AKAP1: variants seen among roughly 807,000 people sequenced by gnomAD.
AKAP1 encodes A-kinase anchor protein 1, mitochondrial.
In AKAP1, 32 loss-of-function variants were observed where a neutral mutation model predicts 79.8. That is an observed-to-expected ratio of 0.40 (90% CI 0.30 to 0.54). The LOEUF (loss-of-function observed/expected upper bound fraction) is 0.54, where lower values mean the gene tolerates loss of function less well. Ranked by LOEUF, AKAP1 falls within the 20% of genes least tolerant of loss-of-function variation. The probability of loss-of-function intolerance (pLI) is 0.47; values close to 1 mark genes in which losing one functional copy is unlikely to be tolerated. For missense variants in AKAP1, 961 were observed against 1,138.9 expected, an observed-to-expected ratio of 0.84 and a Z score of 2.25; for synonymous variants, 416 against 466.7, an observed-to-expected ratio of 0.89 and a Z score of 1.40.
chr17:57,119,561 A>C (rs1331326431), intron 10 of AKAP1, among the ~76,000 whole-genome samples: 1 of 151,944 alleles, frequency 6.6e-6, no homozygotes, highest in Non-Finnish European at 1.5e-5. Flanking sequence ...CTAAAAATGC[A>C]AAAATCTGCT....
At chr17:57,112,383 A>C in intron 4 of AKAP1, 108 bp from the exon 5 acceptor site, 2 of 1,372,362 alleles carry the variant, frequency 1.5e-6, no homozygotes, top group Admixed American at 2.3e-5. Context: ...ATGCACTTGA[A>C]CTCTATGCAA....
At chr17:57,103,388 G>A (rs57970984) in intron 1 of AKAP1, among the ~76,000 whole-genome samples, 1,765 of 152,274 alleles carry the variant, frequency 0.012, 18 homozygotes, top group Middle Eastern at 0.027. Flanking sequence ...TTGTTAAAAT[G>A]CAAGTCTGAG....
At chr17:57,103,067 A>G (rs777330156) in intron 1 of AKAP1, among the ~76,000 whole-genome samples, 1 of 152,198 alleles carries the variant, frequency 6.6e-6, no homozygotes, top group Non-Finnish European at 1.5e-5. Flanking sequence ...CGACAGCGAG[A>G]TAAAAGGAAA....
Position 57,109,948 on chromosome 17 carries a change from G to A in AKAP1, c.1715-77G>A, listed in dbSNP as rs2144739417. The A allele has an allele frequency of 1.9e-6, 3 of 1,566,802 alleles. No individual in the cohort carries two copies. In the South Asian group the frequency reaches 3.6e-5, roughly 19 times the overall value. ...GGGGCAGGGCCTCCTGGGAATGTGA[G>A]TTTGGGAAGTTCTTGGTTACTGGCT... On this transcript the variant is annotated intron_variant, in intron 2 of 10. Coordinates refer to ENST00000337714, the MANE Select transcript of AKAP1 (RefSeq NM_003488.4).
In AKAP1 at chr17:57,114,352, T is replaced by C. The variant is rs1473146061; in HGVS notation, c.2104-107T>C. On this transcript the variant is annotated intron_variant, in intron 5 of 10. Coordinates refer to ENST00000337714, the MANE Select transcript of AKAP1 (RefSeq NM_003488.4). ...GGTGCCATGTTGTCTTGAGTTGCCC[T>C]TTTCAAAGATATGCTAGCCCAGAGA... The C allele has an allele frequency of 1.2e-5, 17 of 1,408,452 alleles. No individual in the cohort carries two copies. The South Asian group carries it at 1.7e-4, about 14-fold the overall frequency. 87.2% of individuals were successfully genotyped at this position (1,408,452 alleles called of 1,614,324 possible). A position where few individuals can be genotyped will look rare whatever the true frequency, so the allele number is the denominator to read the frequency against.
chr17:57,098,367 G>A (rs1325004972), intron 1 of AKAP1: 1 of 152,334 alleles, frequency 6.6e-6, no homozygotes, highest in African/African-American at 2.4e-5. Flanking sequence ...ACTGCAGACA[G>A]GTCTGCCCTT....
intron 2 of AKAP1, among the ~76,000 whole-genome samples, chr17:57,108,450 T>G (rs1915031550): frequency 6.6e-6 from 1 of 152,224 alleles, no homozygotes; most frequent in Admixed American, 6.5e-5. Flanking sequence ...ATAAAGGAGT[T>G]TCCCTTTGCT....
Position 57,086,523 on chromosome 17 carries a change from T to A in AKAP1, c.-25+1125T>A, listed in dbSNP as rs1913470845. Reference sequence around the variant, plus strand: ...CCTGCCGCCGTTAACACAAACCCGGTGGACTTCGCTCCAGGTGCGAGTCGA... The same window carrying A: ...CCTGCCGCCGTTAACACAAACCCGGAGGACTTCGCTCCAGGTGCGAGTCGA... On this transcript the variant is annotated intron_variant, in intron 1 of 10. Transcript: ENST00000337714. The surrounding 1 kb of genome is among the most constrained non-coding windows in gnomAD (Gnocchi z 5.1). The A allele has an allele frequency of 2.2e-6, 1 of 445,700 alleles. No homozygotes were observed. Among genetic ancestry groups the A allele is most frequent in the Admixed American group, 2.5e-5 (1 of 40,346 alleles). The allele number at this position is 445,700 out of a possible 1,614,324, so 27.6% of individuals were successfully genotyped here. A position where few individuals can be genotyped will look rare whatever the true frequency, so the allele number is the denominator to read the frequency against.
chr17:57,108,031 C>G, intron 2 of AKAP1: 1 of 1,246,780 alleles, frequency 8.0e-7, no homozygotes, highest in Non-Finnish European at 1.0e-6. Flanking sequence ...GTAGACAGTT[C>G]AGACCGCTAA....
chr17:57,092,146 C>G (rs570838754), intron 1 of AKAP1: 1 of 152,270 alleles, frequency 6.6e-6, no homozygotes, highest in East Asian at 1.9e-4. Flanking sequence ...CCATAGACCC[C>G]CGGTGAGAAT....
Position 57,086,176 on chromosome 17 carries a change from C to T in AKAP1, c.-25+778C>T. ...TCCAGCCTGGGGTGTCTGCCGACCT[C>T]ACGCCCGGGGGCCCCGACGGTCACG... is the stretch of plus-strand genomic sequence containing the variant. On this transcript the variant is annotated intron_variant, in intron 1 of 10. Transcript: ENST00000337714. This position sits in a 1 kb window ranked among gnomAD's most constrained non-coding sequence, Gnocchi z 5.1. 1 of 324,094 alleles carries T rather than the reference C, an allele frequency of 3.1e-6. No individual in the cohort carries two copies. Among genetic ancestry groups the T allele is most frequent in the South Asian group, 2.2e-5 (1 of 45,616 alleles). The allele number at this position is 324,094 out of a possible 1,614,324, so 20.1% of individuals were successfully genotyped here.
chr17:57,111,830 G>A lies in AKAP1; in HGVS notation c.1881G>A (p.Gly627=), dbSNP rs905564846. The change falls in exon 4 of 11, where the codon GGG becomes GGA. Residue 627 remains glycine (G), a synonymous_variant. Coordinates refer to ENST00000337714, the MANE Select transcript of AKAP1 (RefSeq NM_003488.4). ...HLVGRLIGKQ[G]RYVSFLKQTS... ...TCGGTCGGCTAATTGGCAAGCAGGG[G>A]CGCTATGTGAGTTTTCTGAAGCAAA... 2.5e-6 allele frequency: 4 copies of A among 1,614,062 alleles called. No homozygotes were observed. Among genetic ancestry groups the A allele is most frequent in the Non-Finnish European group, 3.4e-6 (4 of 1,180,018 alleles).
rs1913495782 is a variant in AKAP1, at chr17:57,086,893, G to A, written c.-25+1495G>A. 6.6e-6 allele frequency among the ~76,000 whole-genome samples: 1 copy of A among 151,774 alleles called. No homozygotes were observed. The highest frequency in any genetic ancestry group is 2.1e-4 in the South Asian group (1 of 4,822). Reference sequence around the variant, plus strand: ...TAAAGGTACAGAACATCTTTGAAATGAAGAAGGCTGCCTGACTTGATCATT... The same window carrying A: ...TAAAGGTACAGAACATCTTTGAAATAAAGAAGGCTGCCTGACTTGATCATT... On this transcript the variant is annotated intron_variant, in intron 1 of 10. Transcript: ENST00000337714. The surrounding 1 kb of genome is among the most constrained non-coding windows in gnomAD (Gnocchi z 5.1).
Position 57,105,849 on chromosome 17 carries a change from A to G in AKAP1, c.385A>G (p.Thr129Ala). ...LRPGTRRDDS[T>A]KLELALTGGE... Reference sequence around the variant, plus strand: ...ACCAGGAACACGCAGAGATGACAGTACAAAGCTGGAGCTAGCCCTGACAGG... The same window carrying G: ...ACCAGGAACACGCAGAGATGACAGTGCAAAGCTGGAGCTAGCCCTGACAGG... Residue 129 changes from threonine (T) to alanine (A), a missense_variant, in exon 2 of 11, where the codon ACA becomes GCA. Physicochemically the swap from Thr to Ala is moderately conservative, Grantham distance 58. Coordinates refer to ENST00000337714, the MANE Select transcript of AKAP1 (RefSeq NM_003488.4). 6.2e-7 allele frequency: 1 copy of G among 1,614,248 alleles called. No individual in the cohort carries two copies. The highest frequency in any genetic ancestry group is 8.5e-7 in the Non-Finnish European group (1 of 1,180,048).
At chr17:57,111,151 G>A (rs772715858) in intron 3 of AKAP1, among the ~76,000 whole-genome samples, 4 of 152,220 alleles carry the variant, frequency 2.6e-5, no homozygotes, top group African/African-American at 7.2e-5. Context: ...TAGCTCCTCC[G>A]GGAGGGGGTC....
Position 57,120,448 on chromosome 17 carries a change from C to T in AKAP1, c.*124C>T, listed in dbSNP as rs114446308. 4.3e-3 allele frequency: 3,328 copies of T among 774,734 alleles called. 84 individuals are homozygous for T. In the African/African-American group the frequency reaches 0.052, roughly 12 times the overall value. 48.0% of individuals were successfully genotyped at this position (774,734 alleles called of 1,614,324 possible). A position where few individuals can be genotyped will look rare whatever the true frequency, so the allele number is the denominator to read the frequency against. ...CCAGAAAGTCCTTTCTTTCTCCATA[C>T]TGTAGTCCTATTGAGAAGACATTTC... On this transcript the variant is annotated 3_prime_UTR_variant, in exon 11 of 11. Coordinates refer to ENST00000337714, the MANE Select transcript of AKAP1 (RefSeq NM_003488.4).
At chr17:57,119,830 CTTTTTTTTTT>C (rs3054874) in intron 10 of AKAP1, among the ~76,000 whole-genome samples, 1 of 70,290 alleles carries the variant, frequency 1.4e-5, no homozygotes, top group African/African-American at 6.6e-5. Context: ...CCCTGTTACT[CTTTTTTTTTT>C]TTTTTTTTTT....
chr17:57,113,560 T>G (rs1047342118), intron 5 of AKAP1, among the ~76,000 whole-genome samples: 1 of 151,598 alleles, frequency 6.6e-6, no homozygotes, highest in Non-Finnish European at 1.5e-5. Flanking sequence ...AATCAAGAGT[T>G]TTTTCCCAGG....
At chr17:57,103,255 G>C (rs1914638783) in intron 1 of AKAP1, among the ~76,000 whole-genome samples, 1 of 152,230 alleles carries the variant, frequency 6.6e-6, no homozygotes, top group Admixed American at 6.5e-5. Flanking sequence ...TAAAGATATA[G>C]GGACTTTCAA....
Sources: allele counts gnomAD v4.1 joint callset (sites outside exome capture counted in the v4.1 genomes callset), GRCh38; gene constraint gnomAD v4.1.1; non-coding constraint Gnocchi (gnomAD v3.1); transcripts MANE v1.5; gene names NCBI Gene and HGNC (gene_info 2026-07-23, HGNC 2026-07-21).